CMTM4: variants seen among roughly 807,000 people sequenced by gnomAD.
The protein encoded by CMTM4 is CKLF like MARVEL transmembrane domain containing 4, also known as CKLF-like MARVEL transmembrane domain-containing protein 4.
A neutral mutation model predicts 19.0 loss-of-function variants in CMTM4; 8 were observed. That is an observed-to-expected ratio of 0.42 (90% CI 0.25 to 0.76). The LOEUF is 0.76. CMTM4 is among the 30% of genes least tolerant of loss of function. The pLI is 0.27. For synonymous variants in CMTM4, 106 were observed against 121.1 expected, an observed-to-expected ratio of 0.88 and a Z score of 0.82; for missense variants, 228 against 290.2, an observed-to-expected ratio of 0.79 and a Z score of 1.56.
At chr16:66,599,655 G>A in the CMTM4 span, among the ~76,000 whole-genome samples, 11 of 152,110 alleles carry the variant, frequency 7.2e-5, no homozygotes, top group South Asian at 1.5e-3. Context: ...ACCACCACAC[G>A]TGGCCCTCAA....
At chr16:66,633,118 A>AATATATATATATAAATAT (rs2015913685) in intron 2 of CMTM4, among the ~76,000 whole-genome samples, 2 of 76,194 alleles carry the variant, frequency 2.6e-5, no homozygotes, top group Admixed American at 1.4e-4. Context: ...TATATATATA[A>AATATATATATATAAATAT]ATATATATAT....
intron 1 of CMTM4, among the ~76,000 whole-genome samples, chr16:66,670,203 C>G (rs1459111196): frequency 6.7e-6 from 1 of 148,336 alleles, no homozygotes; most frequent in Non-Finnish European, 1.5e-5. Context: ...TCCCAGCACT[C>G]TGGGATGCCA....
downstream of CMTM4, chr16:66,612,648 G>A (rs542168168): frequency 2.5e-6 from 4 of 1,613,788 alleles, no homozygotes; most frequent in Non-Finnish European, 3.4e-6. The surrounding 1 kb of genome is among the most constrained non-coding windows in gnomAD (Gnocchi z 6.0). Context: ...AGGCCTGGCG[G>A]GTGCCTTGGC....
chr16:66,674,939 C>T (rs2016781473), intron 1 of CMTM4, among the ~76,000 whole-genome samples: 1 of 151,750 alleles, frequency 6.6e-6, no homozygotes, highest in Admixed American at 6.6e-5. Flanking sequence ...GGTGGGGTTT[C>T]ACCATGTTGG....
At chr16:66,661,223 G>A (rs2016493882) in intron 1 of CMTM4, among the ~76,000 whole-genome samples, 1 of 152,204 alleles carries the variant, frequency 6.6e-6, no homozygotes, top group Non-Finnish European at 1.5e-5. Context: ...AATATGTAAG[G>A]TAATAAGCTT....
At chr16:66,673,210 C>CTT (rs35208363) in intron 1 of CMTM4, among the ~76,000 whole-genome samples, 4 of 127,896 alleles carry the variant, frequency 3.1e-5, no homozygotes, top group Admixed American at 8.0e-5. Context: ...CACACCCAGT[C>CTT]TTTTTTTTTT....
At position 66,696,522 on chromosome 16, in the gene CMTM4, G is replaced by A; in HGVS notation, c.4C>T (p.Arg2Trp). The change falls in exon 1 of 4, where the codon CGG (arginine) becomes TGG (tryptophan). Residue 2 changes from arginine to tryptophan, a missense_variant. Coordinates refer to ENST00000394106, the MANE Select transcript of CMTM4 (RefSeq NM_181521.3). The surrounding 1 kb of genome is among the most constrained non-coding windows in gnomAD (Gnocchi z 4.3). The stretch of plus-strand genomic sequence containing the variant: ...AAGCCGTCCAGCTCCTCGCCGCTCC[G>A]CATGCTGCCGCCCGGCCCGGGCCGC... MRSGEELDGFEG... is the reference protein window; with the variant it reads MWSGEELDGFEG... 1 of 1,198,540 alleles carries A rather than the reference G, an allele frequency of 8.3e-7. No homozygotes were observed. Among genetic ancestry groups the A allele is most frequent in the Non-Finnish European group, 1.0e-6 (1 of 966,238 alleles). The allele number at this position is 1,198,540 out of a possible 1,614,324, so 74.2% of individuals were successfully genotyped here.
intron 1 of CMTM4, among the ~76,000 whole-genome samples, chr16:66,692,860 T>C (rs2017161398): frequency 1.3e-5 from 2 of 149,250 alleles, no homozygotes; most frequent in Admixed American, 1.3e-4. Flanking sequence ...TGAGCCAAGA[T>C]CTTGCCACTG....
In CMTM4 at chr16:66,618,944, A is replaced by G; in HGVS notation, c.*3114T>C. On this transcript the variant is annotated 3_prime_UTR_variant, in exon 4 of 4. Transcript: ENST00000394106. Reference sequence around the variant, plus strand: ...GGCCGGACTTGCCCATGCTGGCTTCAGCTCACATTGCCAAGGAAGATGTGT... The same window carrying G: ...GGCCGGACTTGCCCATGCTGGCTTCGGCTCACATTGCCAAGGAAGATGTGT... 2.0e-6 allele frequency: 2 copies of G among 985,526 alleles called. No homozygotes were observed. The highest frequency in any genetic ancestry group is 4.7e-5 in the South Asian group (1 of 21,292). The allele number at this position is 985,526 out of a possible 1,614,324, so 61.0% of individuals were successfully genotyped here.
intron 1 of CMTM4, among the ~76,000 whole-genome samples, chr16:66,666,677 T>C (rs1445060629): frequency 6.6e-6 from 1 of 152,134 alleles, no homozygotes. Context: ...TTTAGGGAAA[T>C]GCAAAATAAA....
chr16:66,668,924 G>T (rs996701516), intron 1 of CMTM4, among the ~76,000 whole-genome samples: 1 of 152,196 alleles, frequency 6.6e-6, no homozygotes, highest in Non-Finnish European at 1.5e-5. Flanking sequence ...CTGGAAAACT[G>T]CTTAGCTGTT....
intron 2 of CMTM4, among the ~76,000 whole-genome samples, chr16:66,628,746 T>G (rs930921929): frequency 1.3e-5 from 2 of 152,232 alleles, no homozygotes; most frequent in African/African-American, 4.8e-5. Flanking sequence ...ATCTTCCACT[T>G]AGTATAATGG....
Position 66,622,726 on chromosome 16 carries a change from A to G in CMTM4, c.463-504T>C, listed in dbSNP as rs1157202437. Among the ~76,000 whole-genome samples the G allele has an allele frequency of 6.6e-6, 1 of 152,204 alleles. No homozygotes were observed. Among genetic ancestry groups the G allele is most frequent in the Admixed American group, 6.5e-5 (1 of 15,282 alleles). On this transcript the variant is annotated intron_variant, in intron 3 of 3. Transcript: ENST00000394106. This position sits in a 1 kb window ranked among gnomAD's most constrained non-coding sequence, Gnocchi z 4.0. Reference sequence around the variant, plus strand: ...CCACAGGGCCAATGTTCCACATCACAGCCCCCATCCCACACCTGCCTCTCA... The same window carrying G: ...CCACAGGGCCAATGTTCCACATCACGGCCCCCATCCCACACCTGCCTCTCA...
chr16:66,623,959 C>G (rs1379287962), intron 2 of CMTM4, among the ~76,000 whole-genome samples: 1 of 152,216 alleles, frequency 6.6e-6, no homozygotes, highest in Non-Finnish European at 1.5e-5. Flanking sequence ...ACTTCACGCT[C>G]TTTCTCAAGC....
At chr16:66,664,972 G>A (rs531276528) in intron 1 of CMTM4, among the ~76,000 whole-genome samples, 1 of 152,008 alleles carries the variant, frequency 6.6e-6, no homozygotes, top group African/African-American at 2.4e-5. Flanking sequence ...CTCCGAGAGA[G>A]AGTCTCCCTC....
downstream of CMTM4, chr16:66,614,692 G>A (rs1414118927): frequency 6.6e-6 from 1 of 152,192 alleles, no homozygotes; most frequent in African/African-American, 2.4e-5. This position sits in a 1 kb window ranked among gnomAD's most constrained non-coding sequence, Gnocchi z 4.9. Flanking sequence ...TTCAGGAACT[G>A]GATCCGTAAC....
In CMTM4 at chr16:66,619,422, T is replaced by G; in HGVS notation, c.*2636A>C. 1 of 985,378 alleles carries G rather than the reference T, an allele frequency of 1.0e-6. No individual in the cohort carries two copies. Among genetic ancestry groups the G allele is most frequent in the Non-Finnish European group, 1.2e-6 (1 of 829,936 alleles). 61.0% of individuals were successfully genotyped at this position (985,378 alleles called of 1,614,324 possible). ...TTTGCTTTAAATGTGAAAACCAATA[T>G]CGTCCCACCAGAACACTGAGAAAAA... On this transcript the variant is annotated 3_prime_UTR_variant, in exon 4 of 4. Coordinates refer to ENST00000394106, the MANE Select transcript of CMTM4 (RefSeq NM_181521.3).
Position 66,694,448 on chromosome 16 carries a change from G to A in CMTM4, c.186+1892C>T, listed in dbSNP as rs375506366. On this transcript the variant is annotated intron_variant, in intron 1 of 3. Transcript: ENST00000394106. ...TTGCAGGCAGGGTGTGGTGGCTCAC[G>A]CTTGTAATCCCAGCACTTTGGGAGG... Among the ~76,000 whole-genome samples, 18 of 152,170 alleles carry A rather than the reference G, an allele frequency of 1.2e-4. No homozygotes were observed. The East Asian group carries it at 1.4e-3, about 11-fold the overall frequency.
chr16:66,629,380 G>A (rs1317160132), intron 2 of CMTM4, among the ~76,000 whole-genome samples: 5 of 152,256 alleles, frequency 3.3e-5, no homozygotes, highest in Admixed American at 2.0e-4. Flanking sequence ...TACCATCTAT[G>A]GAGTCACTGT....
Sources: gnomAD v4.1 joint callset for allele counts (sites outside exome capture counted in the v4.1 genomes callset) on GRCh38, gnomAD v4.1.1 for gene constraint, Gnocchi (gnomAD v3.1) non-coding constraint, MANE v1.5 for transcripts, NCBI Gene and HGNC (gene_info 2026-07-23, HGNC 2026-07-21) for gene names.